UBE2K: variants seen among roughly 807,000 people sequenced by gnomAD.
UBE2K encodes ubiquitin conjugating enzyme E2 K, also known as ubiquitin-conjugating enzyme E2 K.
UBE2K carries 6 observed loss-of-function variants against 30.0 expected under a neutral mutation model. The ratio of observed to expected loss-of-function variants is 0.20; its 90% CI spans 0.11 to 0.39. The LOEUF is 0.39. UBE2K is among the 10% of genes least tolerant of loss of function. UBE2K has a pLI of 1.00. For missense variants in UBE2K, 61 were observed against 241.6 expected (o/e 0.25, Z 4.96); for synonymous variants, 86 against 83.7 (o/e 1.03, Z -0.15).
At chr4:39,768,276 C>CA (rs35596173) in intron 4 of UBE2K, among the ~76,000 whole-genome samples, 20,463 of 113,502 alleles carry the variant, frequency 0.18, 3,482 homozygotes, top group African/African-American at 0.44. Flanking sequence ...CCGTCTCTAC[C>CA]AAAAAAAAAA....
chr4:39,710,432 C>T (rs900633898), intron 1 of UBE2K, among the ~76,000 whole-genome samples: 2 of 151,908 alleles, frequency 1.3e-5, no homozygotes, highest in Non-Finnish European at 2.9e-5. Flanking sequence ...GCTAAATTAT[C>T]TTTTTTAAAA....
intron 1 of UBE2K, among the ~76,000 whole-genome samples, chr4:39,722,794 TCTCTC>T (rs1719498770): frequency 7.4e-6 from 1 of 134,348 alleles, no homozygotes; most frequent in Non-Finnish European, 1.7e-5. Context: ...ATTCTCTTTT[TCTCTC>T]TTTTTTTTTT....
intron 4 of UBE2K, chr4:39,770,796 G>T: frequency 6.4e-7 from 1 of 1,566,542 alleles, no homozygotes; most frequent in South Asian, 1.2e-5. Flanking sequence ...GATGTCCAGG[G>T]CCGACTCCAC....
chr4:39,735,628 G>T (rs187173843), intron 1 of UBE2K, among the ~76,000 whole-genome samples: 1 of 152,088 alleles, frequency 6.6e-6, no homozygotes. Context: ...TGATCTGCCC[G>T]CCTCAGCCTC....
chr4:39,699,846 C>T (rs924652187), intron 1 of UBE2K, among the ~76,000 whole-genome samples: 1 of 152,178 alleles, frequency 6.6e-6, no homozygotes. Context: ...GAACTCTGAC[C>T]TCTATGTTTG....
chr4:39,719,461 T>G (rs1719299331), intron 1 of UBE2K, among the ~76,000 whole-genome samples: 2 of 152,298 alleles, frequency 1.3e-5, no homozygotes, highest in South Asian at 4.1e-4. Flanking sequence ...CTTAGTAATT[T>G]AAAGCACACC....
At chr4:39,768,196 TG>T (rs1482040818) in intron 4 of UBE2K, among the ~76,000 whole-genome samples, 1 of 148,664 alleles carries the variant, frequency 6.7e-6, no homozygotes, top group African/African-American at 2.5e-5. Flanking sequence ...CCCAGCACTT[TG>T]GGAGGCAGAA....
At chr4:39,702,175 G>A (rs116252555) in intron 1 of UBE2K, among the ~76,000 whole-genome samples, 1 of 145,214 alleles carries the variant, frequency 6.9e-6, no homozygotes, top group South Asian at 2.2e-4. Context: ...GCACCTGTTG[G>A]TTTTTCATGT....
At chr4:39,770,816 G>A (rs1712750817) in intron 4 of UBE2K, 1 of 1,551,040 alleles carries the variant, frequency 6.4e-7, no homozygotes, top group Non-Finnish European at 8.7e-7. Flanking sequence ...CCTTGACGAT[G>A]CAGATGTCAG....
chr4:39,702,260 T>C (rs1437226449), intron 1 of UBE2K, among the ~76,000 whole-genome samples: 1 of 64,144 alleles, frequency 1.6e-5, no homozygotes, highest in African/African-American at 4.4e-5. Flanking sequence ...TTTTTTTTTT[T>C]TTTTTTTTTT....
At chr4:39,770,134 C>T (rs970281457) in intron 4 of UBE2K, 3 of 1,596,320 alleles carry the variant, frequency 1.9e-6, no homozygotes, top group African/African-American at 2.7e-5. Flanking sequence ...ACGTTCTCGG[C>T]GGTGGTCTTG....
intron 1 of UBE2K, among the ~76,000 whole-genome samples, chr4:39,732,672 C>CTTTTTTTTTTTT (rs10650873): frequency 8.7e-6 from 1 of 115,102 alleles, no homozygotes; most frequent in African/African-American, 3.5e-5. Flanking sequence ...CTTCTTCCCT[C>CTTTTTTTTTTTT]TTTTTTTTTT....
At chr4:39,743,001 G>A (rs1720785223) in intron 2 of UBE2K, among the ~76,000 whole-genome samples, 1 of 151,636 alleles carries the variant, frequency 6.6e-6, no homozygotes, top group Non-Finnish European at 1.5e-5. Flanking sequence ...AGCCAAGATT[G>A]TGCCTCTGCA....
chr4:39,720,728 G>GT (rs375096137), intron 1 of UBE2K, among the ~76,000 whole-genome samples: 2 of 152,048 alleles, frequency 1.3e-5, no homozygotes, highest in Admixed American at 6.6e-5. Flanking sequence ...ACATTTTATT[G>GT]TTTTTTTCTA....
intron 4 of UBE2K, among the ~76,000 whole-genome samples, chr4:39,774,416 G>A (rs1285860017): frequency 6.6e-6 from 1 of 151,770 alleles, no homozygotes; most frequent in Non-Finnish European, 1.5e-5. Context: ...GACCATCCTG[G>A]CTAACACTGT....
At chr4:39,760,778 T>A (rs1203058126) in intron 4 of UBE2K, among the ~76,000 whole-genome samples, 1 of 151,524 alleles carries the variant, frequency 6.6e-6, no homozygotes, top group Non-Finnish European at 1.5e-5. Context: ...TCTCAAAAAA[T>A]AAAAATTAAA....
chr4:39,711,798 G>A (rs1718703375), intron 1 of UBE2K, among the ~76,000 whole-genome samples: 1 of 151,676 alleles, frequency 6.6e-6, no homozygotes, highest in African/African-American at 2.4e-5. Context: ...AGCACTTTAG[G>A]AGGCAAAGGC....
At chr4:39,734,309 G>A (rs1035248725) in intron 1 of UBE2K, among the ~76,000 whole-genome samples, 1 of 151,824 alleles carries the variant, frequency 6.6e-6, no homozygotes, top group Admixed American at 6.6e-5. Context: ...TCAAACTCTT[G>A]ACTCAGTGAT....
intron 3 of UBE2K, among the ~76,000 whole-genome samples, chr4:39,746,420 A>T (rs1335977271): frequency 6.6e-6 from 1 of 152,214 alleles, no homozygotes; most frequent in Non-Finnish European, 1.5e-5. Flanking sequence ...TACTGTCATC[A>T]GCACTTTAGG....
Sources: gnomAD v4.1 joint callset for allele counts (sites outside exome capture counted in the v4.1 genomes callset) on GRCh38, gnomAD v4.1.1 for gene constraint, MANE v1.5 for transcripts, NCBI Gene and HGNC (gene_info 2026-07-23, HGNC 2026-07-21) for gene names.